Variants in ZFYVE1 observed in about 807,000 individuals in gnomAD.
ZFYVE1 encodes the protein zinc finger FYVE-type containing 1, also known as zinc finger FYVE domain-containing protein 1.
Under a neutral mutation model 74.4 loss-of-function variants are expected in ZFYVE1, and 30 were observed. The ratio of observed to expected loss-of-function variants is 0.40; its 90% CI spans 0.30 to 0.55. The LOEUF (loss-of-function observed/expected upper bound fraction) is 0.55. Among genes scored for constraint, ZFYVE1 ranks in the 20% least tolerant of loss-of-function variants. The pLI, the probability that ZFYVE1 is intolerant of heterozygous loss-of-function variation, is 0.42. For synonymous variants in ZFYVE1, 335 were observed against 385.1 expected, an observed-to-expected ratio of 0.87 and a Z score of 1.52; for missense variants, 703 against 1,011.6, an observed-to-expected ratio of 0.69 and a Z score of 4.14.
At chr14:73,019,927 G>T (rs1005593050) in intron 2 of ZFYVE1, among the ~76,000 whole-genome samples, 1 of 151,438 alleles carries the variant, frequency 6.6e-6, no homozygotes. Flanking sequence ...CTCCAGCCGG[G>T]GCAACAGAGT....
intron 4 of ZFYVE1, among the ~76,000 whole-genome samples, chr14:72,986,416 T>C (rs1325388906): frequency 6.6e-6 from 1 of 151,286 alleles, no homozygotes; most frequent in African/African-American, 2.4e-5. Context: ...GAATCAGACC[T>C]TGACAAGTTT....
chr14:72,974,328 C>T (rs2286835), intron 10 of ZFYVE1, 135 bp from the exon 11 acceptor site: 2 of 809,362 alleles, frequency 2.5e-6, no homozygotes, highest in South Asian at 3.2e-5. Context: ...CTGCAAGGGT[C>T]TGTGCTGTGG....
chr14:72,998,532 A>C (rs1199760999), intron 2 of ZFYVE1, among the ~76,000 whole-genome samples: 1 of 152,048 alleles, frequency 6.6e-6, no homozygotes, highest in East Asian at 1.9e-4. Flanking sequence ...AAAAGAGCTA[A>C]AACTATAAAA....
intron 2 of ZFYVE1, among the ~76,000 whole-genome samples, chr14:73,009,509 C>G (rs922464837): frequency 2.6e-5 from 4 of 152,234 alleles, no homozygotes; most frequent in African/African-American, 4.8e-5. Flanking sequence ...GTAATCTCAG[C>G]ACTATGGGAG....
chr14:72,992,621 C>CG (rs1555532808), intron 4 of ZFYVE1, among the ~76,000 whole-genome samples: 3 of 111,270 alleles, frequency 2.7e-5, no homozygotes, highest in African/African-American at 1.1e-4. Flanking sequence ...AGGTGCCCCC[C>CG]CCGCCCCTTG....
At position 72,975,932 on chromosome 14, in the gene ZFYVE1, C is replaced by T; in HGVS notation, c.1636-211G>A. 1 of 578,404 alleles carries T rather than the reference C, an allele frequency of 1.7e-6. No homozygotes were observed. The highest frequency in any genetic ancestry group is 3.0e-6 in the Non-Finnish European group (1 of 337,662). 35.8% of individuals were successfully genotyped at this position (578,404 alleles called of 1,614,324 possible). ...TGATGTGTAGCTGTTCAATTCAGGA[C>T]TTACTAAGCCCATATAATACAGGAG... On this transcript the variant is annotated intron_variant, in intron 8 of 11. Coordinates refer to ENST00000556143, the MANE Select transcript of ZFYVE1 (RefSeq NM_021260.4). This position sits in a 1 kb window ranked among gnomAD's most constrained non-coding sequence, Gnocchi z 4.1.
chr14:72,970,891 A>T lies in ZFYVE1; in HGVS notation c.2325T>A (p.Gly775=). The T allele has an allele frequency of 6.2e-7, 1 of 1,614,170 alleles. No homozygotes were observed. The highest frequency in any genetic ancestry group is 8.5e-7 in the Non-Finnish European group (1 of 1,180,020). ...GGAGAGGGGGCTGGGGTTAAAGGTC[A>T]CCGGGCTTTTTATTGCAGTTGAAGC... ...RVCFNCNKKP[G]DL is the part of the protein sequence containing the mutation. The change falls in exon 12 of 12, where the codon GGT becomes GGA. Residue 775 remains glycine (G), a synonymous_variant. Transcript: ENST00000556143.
At position 73,005,789 on chromosome 14, in the gene ZFYVE1, G is replaced by A. The variant is rs536009526; in HGVS notation, c.484-7474C>T. On this transcript the variant is annotated intron_variant, in intron 2 of 11. Coordinates refer to ENST00000556143, the MANE Select transcript of ZFYVE1 (RefSeq NM_021260.4). ...GAAAACACCCAGGTGCACAGCAGCA[G>A]CAGCTGGGCTTGCACCTGTGAATTG... Among the ~76,000 whole-genome samples the A allele has an allele frequency of 1.1e-4, 17 of 152,336 alleles. No homozygotes were observed. The South Asian group carries it at 3.3e-3, about 30-fold the overall frequency.
intron 3 of ZFYVE1, among the ~76,000 whole-genome samples, chr14:72,994,226 G>A (rs1029512476): frequency 2.7e-5 from 4 of 146,800 alleles, no homozygotes; most frequent in Non-Finnish European, 6.0e-5. Context: ...AGGATGCTGA[G>A]GCAGAAGAAT....
intron 4 of ZFYVE1, among the ~76,000 whole-genome samples, chr14:72,986,110 C>T (rs753502729): frequency 3.3e-5 from 5 of 152,178 alleles, no homozygotes; most frequent in African/African-American, 4.8e-5. Context: ...ACTGTTTCAA[C>T]CCAAGTGACC....
intron 4 of ZFYVE1, among the ~76,000 whole-genome samples, chr14:72,990,641 C>T (rs1425055084): frequency 1.3e-5 from 2 of 148,482 alleles, no homozygotes; most frequent in African/African-American, 5.0e-5. Flanking sequence ...GGTGATCCAT[C>T]TGCCTCCTGA....
chr14:72,989,291 A>G (rs1893554997), intron 4 of ZFYVE1, among the ~76,000 whole-genome samples: 1 of 152,236 alleles, frequency 6.6e-6, no homozygotes, highest in South Asian at 2.1e-4. Flanking sequence ...AGAGTTAGAA[A>G]AGGACACTAG....
chr14:72,974,621 C>T (rs540199986), intron 10 of ZFYVE1, among the ~76,000 whole-genome samples, 158 bp downstream of exon 10: 31 of 152,280 alleles, frequency 2.0e-4, no homozygotes, highest in African/African-American at 6.7e-4. Context: ...ACCCATAGGA[C>T]GCTGTTAACA....
intron 2 of ZFYVE1, among the ~76,000 whole-genome samples, chr14:73,004,993 C>A (rs867072656): frequency 6.1e-3 from 707 of 116,190 alleles, no homozygotes; most frequent in Admixed American, 5.9e-3. Context: ...GACCCCGTCT[C>A]AAAAAAAAAA....
At chr14:73,009,754 TC>T (rs1894050596) in intron 2 of ZFYVE1, among the ~76,000 whole-genome samples, 1 of 151,760 alleles carries the variant, frequency 6.6e-6, no homozygotes, top group African/African-American at 2.4e-5. Flanking sequence ...AGACTCCATC[TC>T]AAAACGAAAC....
At chr14:73,020,879 G>C (rs1243615047) in intron 2 of ZFYVE1, among the ~76,000 whole-genome samples, 1 of 152,278 alleles carries the variant, frequency 6.6e-6, no homozygotes, top group East Asian at 1.9e-4. Context: ...GATTATAGGC[G>C]TGAGCCACCA....
intron 4 of ZFYVE1, among the ~76,000 whole-genome samples, chr14:72,990,073 A>C (rs892656523): frequency 2.0e-5 from 3 of 152,242 alleles, no homozygotes; most frequent in African/African-American, 7.2e-5. Flanking sequence ...CTACTTGGTC[A>C]ATTTGCCTAA....
Position 72,998,320 on chromosome 14 carries a change from A to AT in ZFYVE1, c.484-6_484-5insA. The AT allele has an allele frequency of 1.8e-6, 1 of 564,650 alleles. No individual in the cohort carries two copies. Among genetic ancestry groups the AT allele is most frequent in the Non-Finnish European group, 2.2e-6 (1 of 451,846 alleles). 35.0% of individuals were successfully genotyped at this position (564,650 alleles called of 1,614,324 possible). Reference sequence around the variant, plus strand: ...AAAGTCTTCTTCATTTGTTACCTGCAAAAAAAAAAAAAAAGACCATGAAAT... The same window carrying AT: ...AAAGTCTTCTTCATTTGTTACCTGCATAAAAAAAAAAAAAAGACCATGAAAT... On this transcript the variant is annotated splice_region_variant and splice_polypyrimidine_tract_variant and intron_variant, in intron 2 of 11. Transcript: ENST00000556143.
intron 2 of ZFYVE1, among the ~76,000 whole-genome samples, chr14:73,017,968 C>G (rs1004805358): frequency 6.6e-6 from 1 of 152,204 alleles, no homozygotes; most frequent in Non-Finnish European, 1.5e-5. Flanking sequence ...GCATTGGCAC[C>G]TGCTTCCCTC....
Sources: gnomAD v4.1 joint callset for allele counts (sites outside exome capture counted in the v4.1 genomes callset) on GRCh38, gnomAD v4.1.1 for gene constraint, Gnocchi (gnomAD v3.1) non-coding constraint, MANE v1.5 for transcripts, NCBI Gene and HGNC (gene_info 2026-07-23, HGNC 2026-07-21) for gene names.